Variants in CYREN observed in about 807,000 individuals in gnomAD.
The protein encoded by CYREN is cell cycle regulator of NHEJ, also known as cell cycle regulator of non-homologous end joining.
Under a neutral mutation model 9.7 loss-of-function variants are expected in CYREN, and 7 were observed. That is an observed-to-expected ratio of 0.72 (90% CI 0.41 to 1.36). The LOEUF (loss-of-function observed/expected upper bound fraction) is 1.36, where lower values mean the gene tolerates loss of function less well. Among genes scored for constraint, CYREN ranks in the 40% most tolerant of loss-of-function variants. CYREN has a pLI of 0.01. For missense variants in CYREN, 215 were observed against 198.1 expected (o/e 1.09, Z -0.51); for synonymous variants, 76 against 77.9 (o/e 0.98, Z 0.13).
chr7:135,154,798 T>TG (rs1199532142), intron 2 of CYREN, among the ~76,000 whole-genome samples: 2 of 152,348 alleles, frequency 1.3e-5, no homozygotes, highest in South Asian at 4.1e-4. Flanking sequence ...ATGTTCCATG[T>TG]GCTGACAAAA....
At chr7:135,128,717 G>C in intron 2 of CYREN, 1 of 1,370,010 alleles carries the variant, frequency 7.3e-7, no homozygotes, top group Non-Finnish European at 1.0e-6. Context: ...TTGATTCTCA[G>C]AAAAAAAGTG....
At chr7:135,118,909 A>G (rs1826714271) in intron 2 of CYREN, among the ~76,000 whole-genome samples, 1 of 152,176 alleles carries the variant, frequency 6.6e-6, no homozygotes. Flanking sequence ...GTATAATTGT[A>G]CAAATAGAGG....
intron 2 of CYREN, among the ~76,000 whole-genome samples, chr7:135,098,416 T>A (rs1208378826): frequency 5.3e-5 from 8 of 152,194 alleles, no homozygotes; most frequent in African/African-American, 1.9e-4. Flanking sequence ...CTATATTGTT[T>A]AGGGAATGAT....
In CYREN at chr7:135,151,528, C is replaced by A. The variant is rs1364741133; in HGVS notation, n.356+17221G>T. Among the ~76,000 whole-genome samples, 4 of 152,162 alleles carry A rather than the reference C, an allele frequency of 2.6e-5. No individual in the cohort carries two copies. The East Asian group carries it at 7.7e-4, about 29-fold the overall frequency. ...TTCTGCTAACATTTTCTTCCCAGTT[C>A]TCCTCTCTCCATTCAGGCGACACAC... On this transcript the variant is annotated intron_variant and non_coding_transcript_variant, in intron 2 of 2. Coordinates refer to the CYREN transcript ENST00000459937. The surrounding 1 kb of genome is among the most constrained non-coding windows in gnomAD (Gnocchi z 4.3).
At chr7:135,152,693 A>G (rs1421324386) in intron 2 of CYREN, 4 of 152,224 alleles carry the variant, frequency 2.6e-5, no homozygotes, top group Non-Finnish European at 5.9e-5. Flanking sequence ...AGTCTCATCA[A>G]AGCAAGTTCT....
At chr7:135,100,411 C>G (rs1278523300) in intron 2 of CYREN, among the ~76,000 whole-genome samples, 4 of 152,110 alleles carry the variant, frequency 2.6e-5, no homozygotes, top group African/African-American at 7.2e-5. Context: ...CTCTATCACC[C>G]TTGGCAAGTT....
chr7:135,147,728 G>A (rs976702563), intron 2 of CYREN: 2 of 455,540 alleles, frequency 4.4e-6, no homozygotes, highest in African/African-American at 2.0e-5. Context: ...CCTGGGTCCT[G>A]ACTGCCACAC....
chr7:135,166,373 G>C lies in CYREN; in HGVS notation c.*238C>G. On this transcript the variant is annotated 3_prime_UTR_variant, in exon 4 of 4. Coordinates refer to ENST00000393114, the MANE Select transcript of CYREN (RefSeq NM_024033.4). ...GCCAGGAGAGGGCACAGTACATACA[G>C]AGGGAGTCAAATGGGATCTCATTTT... is the stretch of plus-strand genomic sequence containing the variant. 1.9e-6 allele frequency: 1 copy of C among 522,488 alleles called. No individual in the cohort carries two copies. The highest frequency in any genetic ancestry group is 3.3e-6 in the Non-Finnish European group (1 of 299,420). 32.4% of individuals were successfully genotyped at this position (522,488 alleles called of 1,614,324 possible).
chr7:135,144,938 T>TAAAAAAAAAAAAAA lies in CYREN; in HGVS notation n.356+23797_356+23810dup, dbSNP rs58443282. Among the ~76,000 whole-genome samples the TAAAAAAAAAAAAAA allele has an allele frequency of 2.0e-4, 9 of 45,622 alleles. 1 individual carries two copies. Among genetic ancestry groups the TAAAAAAAAAAAAAA allele is most frequent in the South Asian group, 1.0e-3 (1 of 998 alleles). The allele number at this position is 45,622 out of a possible 152,430, so 29.9% of individuals were successfully genotyped here. ...ACAGAGAGACCCTGTCTCAAAAGAGTAAAAAAAAAAAAAAAAAAAAAAAAA... is the reference window on the plus strand; with the variant it reads ...ACAGAGAGACCCTGTCTCAAAAGAGTAAAAAAAAAAAAAAAAAAAAAAAAAAAAAAAAAAAAAAA... On this transcript the variant is annotated intron_variant and non_coding_transcript_variant, in intron 2 of 2. Transcript: ENST00000459937.
At chr7:135,137,047 C>G (rs896731866) in intron 2 of CYREN, among the ~76,000 whole-genome samples, 1 of 152,062 alleles carries the variant, frequency 6.6e-6, no homozygotes, top group African/African-American at 2.4e-5. Flanking sequence ...CTCCACCTGG[C>G]AGCCCCTACT....
chr7:135,107,747 T>C (rs1306547523), intron 2 of CYREN, among the ~76,000 whole-genome samples: 2 of 152,208 alleles, frequency 1.3e-5, no homozygotes, highest in African/African-American at 4.8e-5. Context: ...GGTCCAATGT[T>C]GGATTCACAT....
Position 135,166,767 on chromosome 7 carries a change from GCTC to G in CYREN, c.315_317del (p.Ser108del). 1 of 1,614,148 alleles carries G rather than the reference GCTC, an allele frequency of 6.2e-7. No homozygotes were observed. The highest frequency in any genetic ancestry group is 8.5e-7 in the Non-Finnish European group (1 of 1,180,048). On this transcript the variant is annotated inframe_deletion, in exon 4 of 4. Transcript: ENST00000393114. ...TCCCACTGTCCTCTTCCTCACTGCT[GCTC>G]CCAGAACTTGTGTGAGGCGACACGG...
intron 2 of CYREN, among the ~76,000 whole-genome samples, chr7:135,114,385 G>A (rs2117173980): frequency 6.6e-6 from 1 of 152,084 alleles, no homozygotes; most frequent in East Asian, 1.9e-4. Flanking sequence ...TTTTTTGATA[G>A]CAGCCATCCT....
chr7:135,164,415 C>T (rs1483786836), downstream of CYREN: 3 of 1,581,220 alleles, frequency 1.9e-6, no homozygotes, highest in Non-Finnish European at 2.6e-6. Context: ...GACTTCCCCG[C>T]AGGTCCCCCG....
At chr7:135,154,803 AC>A (rs1829749245) in intron 2 of CYREN, among the ~76,000 whole-genome samples, 1 of 152,332 alleles carries the variant, frequency 6.6e-6, no homozygotes, top group African/African-American at 2.4e-5. Flanking sequence ...CCATGTGCTG[AC>A]AAAAATAATG....
intron 2 of CYREN, among the ~76,000 whole-genome samples, chr7:135,128,184 C>T (rs1266951076): frequency 2.0e-5 from 3 of 147,616 alleles, no homozygotes; most frequent in Admixed American, 6.9e-5. Flanking sequence ...CCCAGCTACT[C>T]GGGAGGCTGC....
intron 2 of CYREN, among the ~76,000 whole-genome samples, chr7:135,121,349 T>C (rs1279577815): frequency 1.3e-5 from 2 of 152,122 alleles, no homozygotes; most frequent in East Asian, 3.8e-4. Flanking sequence ...AGAATATAAA[T>C]ATCTAACTGA....
chr7:135,114,733 A>C (rs1473762978), intron 2 of CYREN, among the ~76,000 whole-genome samples: 2 of 151,958 alleles, frequency 1.3e-5, no homozygotes, highest in East Asian at 3.9e-4. Flanking sequence ...CTTCCAAGAG[A>C]TCTCCCTGTT....
At chr7:135,100,352 A>AT (rs1823641916) in intron 2 of CYREN, among the ~76,000 whole-genome samples, 1 of 152,206 alleles carries the variant, frequency 6.6e-6, no homozygotes, top group South Asian at 2.1e-4. Context: ...GGGAAGTCAA[A>AT]TATAACAGAC....
Sources: allele counts gnomAD v4.1 joint callset (sites outside exome capture counted in the v4.1 genomes callset), GRCh38; gene constraint gnomAD v4.1.1; non-coding constraint Gnocchi (gnomAD v3.1); transcripts MANE v1.5; gene names NCBI Gene and HGNC (gene_info 2026-07-23, HGNC 2026-07-21).